The following SLC35F4 variants were observed in gnomAD, a reference collection of about 807,000 sequenced individuals.
The protein encoded by SLC35F4 is solute carrier family 35 member F4, also known as chromosome 14 open reading frame 36.
Under a neutral mutation model 44.2 loss-of-function variants are expected in SLC35F4, and 24 were observed. The ratio of observed to expected loss-of-function variants is 0.54; its 90% CI spans 0.39 to 0.76. The LOEUF is 0.76. SLC35F4 is among the 30% of genes least tolerant of loss of function. The pLI is 0.00. For synonymous variants in SLC35F4, 238 were observed against 223.6 expected, an observed-to-expected ratio of 1.06 and a Z score of -0.57; for missense variants, 562 against 586.1, an observed-to-expected ratio of 0.96 and a Z score of 0.42.
At chr14:57,730,646 CTT>C (rs2076320831) in intron 1 of SLC35F4, among the ~76,000 whole-genome samples, 1 of 152,138 alleles carries the variant, frequency 6.6e-6, no homozygotes, top group African/African-American at 2.4e-5. Context: ...ATAATCTAAA[CTT>C]AATAAAAATA....
chr14:57,779,982 G>A (rs938590066), intron 1 of SLC35F4, among the ~76,000 whole-genome samples: 4 of 152,128 alleles, frequency 2.6e-5, no homozygotes, highest in African/African-American at 9.7e-5. Context: ...ACATCATTCT[G>A]AATGGGAAAA....
chr14:57,629,998 T>G (rs1566704770), intron 1 of SLC35F4: 13 of 530,382 alleles, frequency 2.5e-5, no homozygotes, highest in Non-Finnish European at 4.6e-5. Context: ...ACTTGGTCAT[T>G]ATGGTCCTAT....
chr14:57,722,142 G>T (rs184000713), intron 1 of SLC35F4, among the ~76,000 whole-genome samples: 5 of 152,268 alleles, frequency 3.3e-5, no homozygotes, highest in Non-Finnish European at 5.9e-5. Flanking sequence ...TGGAATAATG[G>T]TGGAAGGAAC....
intron 1 of SLC35F4, among the ~76,000 whole-genome samples, chr14:57,777,129 C>T (rs987033423): frequency 1.3e-5 from 2 of 152,060 alleles, no homozygotes; most frequent in Admixed American, 6.6e-5. Context: ...CAAAATGCTC[C>T]GAGTAAAGAA....
chr14:57,653,229 C>T (rs2073848617), intron 1 of SLC35F4, among the ~76,000 whole-genome samples: 1 of 152,128 alleles, frequency 6.6e-6, no homozygotes. Context: ...ACAGTAGGAT[C>T]CCTGCCCTGA....
chr14:57,947,638 T>C (rs989992480), intron 1 of SLC35F4, among the ~76,000 whole-genome samples: 2 of 152,204 alleles, frequency 1.3e-5, no homozygotes, highest in Admixed American at 1.3e-4. Context: ...CATTTCCTCA[T>C]TCGGTGTTAT....
At chr14:57,648,398 T>A (rs1228576769) in intron 1 of SLC35F4, among the ~76,000 whole-genome samples, 1 of 152,202 alleles carries the variant, frequency 6.6e-6, no homozygotes, top group African/African-American at 2.4e-5. Flanking sequence ...TAAAGAAGCC[T>A]AAAAGAGCAA....
chr14:57,793,827 A>C (rs1273141485), intron 1 of SLC35F4, among the ~76,000 whole-genome samples: 1 of 152,056 alleles, frequency 6.6e-6, no homozygotes, highest in Non-Finnish European at 1.5e-5. Context: ...GGTTGTACTA[A>C]TTTACATTCT....
chr14:57,884,258 C>T (rs1888599959), intron 1 of SLC35F4, among the ~76,000 whole-genome samples: 1 of 152,158 alleles, frequency 6.6e-6, no homozygotes, highest in Non-Finnish European at 1.5e-5. Flanking sequence ...TGTTCTTCCT[C>T]AACAGATTTT....
chr14:57,735,216 G>A (rs993325716), intron 1 of SLC35F4, among the ~76,000 whole-genome samples: 5 of 151,878 alleles, frequency 3.3e-5, no homozygotes, highest in Admixed American at 6.6e-5. Context: ...TTCCTCTTTC[G>A]ACAGATGTCC....
chr14:57,923,054 A>G (rs749604131), intron 1 of SLC35F4, among the ~76,000 whole-genome samples: 1 of 152,152 alleles, frequency 6.6e-6, no homozygotes, highest in Non-Finnish European at 1.5e-5. Flanking sequence ...CGTTGTATCT[A>G]TTTTTCAGGT....
At chr14:57,953,048 G>C (rs921021583) in intron 1 of SLC35F4, among the ~76,000 whole-genome samples, 2 of 152,140 alleles carry the variant, frequency 1.3e-5, no homozygotes, top group African/African-American at 4.8e-5. Context: ...GAAAGATCAG[G>C]CTACCCAGAA....
At chr14:57,774,645 C>A (rs1164754322) in intron 1 of SLC35F4, among the ~76,000 whole-genome samples, 1 of 152,228 alleles carries the variant, frequency 6.6e-6, no homozygotes, top group Non-Finnish European at 1.5e-5. Flanking sequence ...CTGGCCACAC[C>A]TGCTTGCAGT....
At chr14:57,896,074 G>T (rs563732679) in intron 1 of SLC35F4, among the ~76,000 whole-genome samples, 1 of 152,150 alleles carries the variant, frequency 6.6e-6, no homozygotes, top group Non-Finnish European at 1.5e-5. Context: ...AGACTGATCA[G>T]AACACTAGTG....
At chr14:57,631,220 T>C (rs1031042680) in intron 1 of SLC35F4, 1 of 152,104 alleles carries the variant, frequency 6.6e-6, no homozygotes, top group African/African-American at 2.4e-5. Flanking sequence ...CCCCACTGTC[T>C]TAGGGAATTA....
downstream of SLC35F4, among the ~76,000 whole-genome samples, chr14:57,974,345 C>T (rs2103788): frequency 0.36 from 54,405 of 152,040 alleles, 10,298 homozygotes; most frequent in East Asian, 0.74. Flanking sequence ...TCTTTTGATT[C>T]AGCTTCAGAA....
chr14:57,571,385 C>T (rs1369022548), intron 5 of SLC35F4, among the ~76,000 whole-genome samples: 3 of 152,196 alleles, frequency 2.0e-5, no homozygotes, highest in Non-Finnish European at 2.9e-5. Context: ...GTAACACGAG[C>T]TCCTGTGGCA....
At chr14:57,874,513 T>C (rs901634626) in intron 1 of SLC35F4, among the ~76,000 whole-genome samples, 3 of 152,158 alleles carry the variant, frequency 2.0e-5, no homozygotes, top group African/African-American at 7.2e-5. Flanking sequence ...GGACCAGAAA[T>C]GTAATAACTT....
intron 1 of SLC35F4, among the ~76,000 whole-genome samples, chr14:57,618,470 G>A (rs946120540): frequency 2.0e-5 from 3 of 152,160 alleles, no homozygotes; most frequent in African/African-American, 7.2e-5. Context: ...AGGGAAGCCG[G>A]GAGGAACTGT....
Sources: allele counts gnomAD v4.1 joint callset (sites outside exome capture counted in the v4.1 genomes callset), GRCh38; gene constraint gnomAD v4.1.1; transcripts MANE v1.5; gene names NCBI Gene and HGNC (gene_info 2026-07-23, HGNC 2026-07-21).